Variants in CHRAC1 observed in about 807,000 individuals in gnomAD.
CHRAC1 encodes chromatin accessibility complex subunit 1.
Under a neutral mutation model 9.1 loss-of-function variants are expected in CHRAC1, and 6 were observed. That is an observed-to-expected ratio of 0.66 (90% confidence interval 0.36 to 1.29). CHRAC1 has a LOEUF of 1.29. Ranked by LOEUF, CHRAC1 falls within the 50% of genes most tolerant of loss-of-function variation. CHRAC1 has a pLI of 0.03. For missense variants in CHRAC1, 168 were observed against 163.5 expected, an observed-to-expected ratio of 1.03 and a Z score of -0.15; for synonymous variants, 73 against 64.5, an observed-to-expected ratio of 1.13 and a Z score of -0.63.
chr8:140,514,311 AT>A, intron 1 of CHRAC1, 57 bp from the exon 2 acceptor site: 1 of 1,540,858 alleles, frequency 6.5e-7, no homozygotes, highest in Non-Finnish European at 8.7e-7. Flanking sequence ...TTAAAAATTA[AT>A]TTCTGTGGTA....
Position 140,515,114 on chromosome 8 carries a change from T to C in CHRAC1, c.275-12T>C, listed in dbSNP as rs58185025. The C allele has an allele frequency of 4.3e-6, 7 of 1,610,036 alleles. No homozygotes were observed. The African/African-American group carries it at 5.3e-5, about 12-fold the overall frequency. ...CATAACCAATTGCTGATGTACGCTT[T>C]ATGTTTTTAAGATATATTACCAAAG... On this transcript the variant is annotated splice_polypyrimidine_tract_variant and intron_variant, in intron 2 of 2. Coordinates refer to ENST00000220913, the MANE Select transcript of CHRAC1 (RefSeq NM_017444.6).
chr8:140,511,342 C>T lies in CHRAC1; in HGVS notation c.-158C>T, dbSNP rs1480975427. On this transcript the variant is annotated 5_prime_UTR_variant, in exon 1 of 3. Transcript: ENST00000220913. ...GAGGCCTCACGGAGCTCGTAGTTTC[C>T]CGGACGGGCCGCTCCCGGCCTCGCG... 15 of 552,500 alleles carry T rather than the reference C, an allele frequency of 2.7e-5. No individual in the cohort carries two copies. Among genetic ancestry groups the T allele is most frequent in the Non-Finnish European group, 4.1e-5 (15 of 368,276 alleles). 34.2% of individuals were successfully genotyped at this position (552,500 alleles called of 1,614,324 possible). A position where few individuals can be genotyped will look rare whatever the true frequency, so the allele number is the denominator to read the frequency against.
chr8:140,516,912 G>A lies in CHRAC1; in HGVS notation c.*1665G>A, dbSNP rs1481766861. On this transcript the variant is annotated 3_prime_UTR_variant, in exon 3 of 3. Transcript: ENST00000220913. ...CCATGCAGTAAATAGTTCAAGCTTT[G>A]TGGGCTTTTATAGTCTCTGTTGCTG... 2 of 152,126 alleles carry A rather than the reference G, an allele frequency of 1.3e-5. No homozygotes were observed. The highest frequency in any genetic ancestry group is 2.9e-5 in the Non-Finnish European group (2 of 68,030). The allele number at this position is 152,126 out of a possible 1,614,324, so 9.4% of individuals were successfully genotyped here.
intron 1 of CHRAC1, among the ~76,000 whole-genome samples, chr8:140,512,689 C>CT (rs1054840554): frequency 6.6e-6 from 1 of 152,182 alleles, no homozygotes; most frequent in Non-Finnish European, 1.5e-5. Context: ...TTCTTGCCCG[C>CT]TTTATGTCAG....
chr8:140,516,956 G>A lies in CHRAC1; in HGVS notation c.*1709G>A, dbSNP rs1255214181. The A allele has an allele frequency of 3.9e-5, 6 of 152,278 alleles. No individual in the cohort carries two copies. The East Asian group carries it at 1.2e-3, about 29-fold the overall frequency. The allele number at this position is 152,278 out of a possible 1,614,324, so 9.4% of individuals were successfully genotyped here. A position where few individuals can be genotyped will look rare whatever the true frequency, so the allele number is the denominator to read the frequency against. On this transcript the variant is annotated 3_prime_UTR_variant, in exon 3 of 3. Transcript: ENST00000220913. The stretch of plus-strand genomic sequence containing the variant: ...GTTGCTGCTGCTGAACTCAGCTGTT[G>A]TAGCACGAAAGCAGCCAGGTAATTA...
Position 140,515,041 on chromosome 8 carries a change from C to G in CHRAC1, c.275-85C>G. 2.2e-6 allele frequency: 3 copies of G among 1,333,628 alleles called. No individual in the cohort carries two copies. The South Asian group carries it at 4.0e-5, about 18-fold the overall frequency. 82.6% of individuals were successfully genotyped at this position (1,333,628 alleles called of 1,614,324 possible). A position where few individuals can be genotyped will look rare whatever the true frequency, so the allele number is the denominator to read the frequency against. ...TTGGAACCTCTTATAGAGGTCAAAG[C>G]AGGAACTAGTACATTTTGAAATGTG... On this transcript the variant is annotated intron_variant, in intron 2 of 2. Transcript: ENST00000220913.
intron 1 of CHRAC1, among the ~76,000 whole-genome samples, chr8:140,512,534 T>C (rs2072290066): frequency 6.6e-6 from 1 of 152,254 alleles, no homozygotes; most frequent in Non-Finnish European, 1.5e-5. Flanking sequence ...GATGTTTTCC[T>C]GTTCTGACAC....
chr8:140,511,426 C>T lies in CHRAC1; in HGVS notation c.-74C>T. On this transcript the variant is annotated 5_prime_UTR_variant, in exon 1 of 3. Coordinates refer to ENST00000220913, the MANE Select transcript of CHRAC1 (RefSeq NM_017444.6). The stretch of plus-strand genomic sequence containing the variant: ...CAGCGGGCGCGGCTCCCCGTACCCA[C>T]CAGCTGGCCGGGCAGGGCAGCCACT... 8.0e-7 allele frequency: 1 copy of T among 1,249,530 alleles called. No homozygotes were observed. Among genetic ancestry groups the T allele is most frequent in the Non-Finnish European group, 1.0e-6 (1 of 976,632 alleles). The allele number at this position is 1,249,530 out of a possible 1,614,324, so 77.4% of individuals were successfully genotyped here.
rs2072320702 is a variant in CHRAC1 at position 140,515,187 on chromosome 8, G to A, written c.336G>A (p.Arg112=). The A allele has an allele frequency of 6.2e-7, 1 of 1,613,290 alleles. No homozygotes were observed. The highest frequency in any genetic ancestry group is 1.7e-5 in the Admixed American group (1 of 59,990). ...KYLKMLKEEK[R]EEDEENDNDN... ...TGAAAATGCTTAAAGAGGAAAAGAG[G>A]GAAGAAGATGAGGAGAATGACAATG... The change falls in exon 3 of 3, where the codon AGG becomes AGA. Residue 112 remains arginine, a synonymous_variant. Coordinates refer to ENST00000220913, the MANE Select transcript of CHRAC1 (RefSeq NM_017444.6).
At chr8:140,514,219 C>A in intron 1 of CHRAC1, 150 bp from the exon 2 acceptor site, 1 of 868,788 alleles carries the variant, frequency 1.2e-6, no homozygotes, top group Non-Finnish European at 1.6e-6. Context: ...CCAGTGATTT[C>A]TTGTAATTTA....
chr8:140,514,411 G>T lies in CHRAC1; in HGVS notation c.190G>T (p.Gly64Cys), dbSNP rs143839289. 65 of 1,586,528 alleles carry T rather than the reference G, an allele frequency of 4.1e-5. No homozygotes were observed. In the African/African-American group the frequency reaches 7.8e-4, roughly 19 times the overall value. Residue 64 changes from glycine (G) to cysteine (C), a missense_variant, in exon 2 of 3, where the codon GGC (glycine) becomes TGC (cysteine). Transcript: ENST00000220913. ...QCLATYSYRH[G>C]SGKEKKVLTY... Reference sequence around the variant, plus strand: ...CCTAGCCACCTATTCCTACAGACACGGCAGTGGAAAGGAAAAGAAAGTACT... The same window carrying T: ...CCTAGCCACCTATTCCTACAGACACTGCAGTGGAAAGGAAAAGAAAGTACT...
At chr8:140,511,730 A>C (rs1465412229) in intron 1 of CHRAC1, 84 bp downstream of exon 1, 1 of 1,188,564 alleles carries the variant, frequency 8.4e-7, no homozygotes, top group Admixed American at 4.4e-5. Context: ...CAGTCCCCTT[A>C]GGCCCGCGCG....
In CHRAC1 at chr8:140,513,297, G is replaced by T. The variant is rs529039776; in HGVS notation, c.148-1072G>T. ...GGGTTGTATGTCAGTTCCTAGAATA[G>T]AAAAGTTTTGGCAAAATGTAAGCTG... On this transcript the variant is annotated intron_variant, in intron 1 of 2. Transcript: ENST00000220913. 2.0e-5 allele frequency among the ~76,000 whole-genome samples: 3 copies of T among 152,346 alleles called. No homozygotes were observed. In the East Asian group the frequency reaches 5.8e-4, roughly 29 times the overall value.
chr8:140,513,532 C>T (rs1043394325), intron 1 of CHRAC1, among the ~76,000 whole-genome samples: 4 of 151,924 alleles, frequency 2.6e-5, no homozygotes, highest in African/African-American at 4.8e-5. Flanking sequence ...GCCTCCCGGG[C>T]TTACGCCATT....
chr8:140,514,660 C>T (rs975451726), intron 2 of CHRAC1, 165 bp downstream of exon 2: 1 of 531,704 alleles, frequency 1.9e-6, no homozygotes, highest in African/African-American at 2.0e-5. Context: ...TTAGTCTTCT[C>T]TGTTTGAATG....
intron 2 of CHRAC1, chr8:140,514,759 C>A (rs1333848531): frequency 1.1e-5 from 4 of 380,614 alleles, no homozygotes; most frequent in African/African-American, 2.1e-5. Context: ...CAGTCCTTTA[C>A]TCTCTACAGG....
rs2132818819 is a variant in CHRAC1, at chr8:140,516,824, G to GGGGAAGCTT, written c.*1578_*1579insGGAAGCTTG. On this transcript the variant is annotated 3_prime_UTR_variant, in exon 3 of 3. Coordinates refer to ENST00000220913, the MANE Select transcript of CHRAC1 (RefSeq NM_017444.6). ...CAGCTCCTTCCCCACCTTTTACCGT[G>GGGGAAGCTT]GCAACCGTCAAGCTATTCTCTGTCC... 1 of 152,196 alleles carries GGGGAAGCTT rather than the reference G, an allele frequency of 6.6e-6. No homozygotes were observed. Among genetic ancestry groups the GGGGAAGCTT allele is most frequent in the Admixed American group, 6.5e-5 (1 of 15,286 alleles). The allele number at this position is 152,196 out of a possible 1,614,324, so 9.4% of individuals were successfully genotyped here.
chr8:140,511,790 A>C, intron 1 of CHRAC1, 144 bp downstream of exon 1: 1 of 868,478 alleles, frequency 1.2e-6, no homozygotes, highest in African/African-American at 1.9e-5. Flanking sequence ...TCCCCGTCCC[A>C]CGCCGGCGCG....
Position 140,511,577 on chromosome 8 carries a change from C to T in CHRAC1, c.78C>T (p.Val26=). 6.7e-7 allele frequency: 1 copy of T among 1,483,168 alleles called. No homozygotes were observed. The highest frequency in any genetic ancestry group is 9.0e-7 in the Non-Finnish European group (1 of 1,110,380). The allele number at this position is 1,483,168 out of a possible 1,614,324, so 91.9% of individuals were successfully genotyped here. ...CGCTGCCTCTATCCCGCATCCGGGT[C>T]ATCATGAAGAGCTCCCCCGAGGTGT... ...LISLPLSRIR[V]IMKSSPEVSS... The change falls in exon 1 of 3, where the codon GTC becomes GTT. Residue 26 remains valine, a synonymous_variant. Transcript: ENST00000220913.
Sources: allele counts gnomAD v4.1 joint callset (sites outside exome capture counted in the v4.1 genomes callset), GRCh38; gene constraint gnomAD v4.1.1; transcripts MANE v1.5; gene names NCBI Gene and HGNC (gene_info 2026-07-23, HGNC 2026-07-21).